The following ANKRD20A1 variants were observed in gnomAD, a reference collection of about 807,000 sequenced individuals.
The protein encoded by ANKRD20A1 is ankyrin repeat domain 20 family member A1.
In ANKRD20A1, 2 loss-of-function variants were observed where a neutral mutation model predicts 50.9. The ratio of observed to expected loss-of-function variants is 0.04; its 90% confidence interval spans 0.02 to 0.12. The LOEUF (loss-of-function observed/expected upper bound fraction) is 0.12, where lower values mean the gene tolerates loss of function less well. Ranked by LOEUF, ANKRD20A1 falls within the 10% of genes least tolerant of loss-of-function variation. The probability of loss-of-function intolerance (pLI) is 1.00; values close to 1 mark genes in which losing one functional copy is unlikely to be tolerated. For synonymous variants in ANKRD20A1, 10 were observed against 186.2 expected, an observed-to-expected ratio of 0.05 and a Z score of 7.70; for missense variants, 31 against 548.1, an observed-to-expected ratio of 0.06 and a Z score of 9.42.
intron 9 of ANKRD20A1, among the ~76,000 whole-genome samples, chr9:67,885,504 G>A (rs1441788351): frequency 3.3e-5 from 5 of 152,306 alleles, no homozygotes; most frequent in Non-Finnish European, 7.3e-5. Flanking sequence ...TCATAGGATA[G>A]TATCATATAG....
intron 3 of ANKRD20A1, among the ~76,000 whole-genome samples, chr9:67,865,171 ATGTT>A (rs1216903354): frequency 2.0e-5 from 3 of 151,564 alleles, no homozygotes; most frequent in Non-Finnish European, 4.4e-5. Context: ...CTATCTCAGT[ATGTT>A]TGTTAAGTTT....
intron 6 of ANKRD20A1, among the ~76,000 whole-genome samples, chr9:67,877,023 A>G (rs1185833660): frequency 1.7e-5 from 1 of 57,170 alleles, no homozygotes; most frequent in Non-Finnish European, 5.3e-5. Flanking sequence ...AGCAGGAATG[A>G]TTGCTTGCTT....
chr9:67,867,568 T>C (rs200335865), intron 4 of ANKRD20A1, among the ~76,000 whole-genome samples, 185 bp downstream of exon 4: 3 of 152,292 alleles, frequency 2.0e-5, no homozygotes, highest in East Asian at 1.9e-4. Context: ...GTAGGATTCA[T>C]CTTCTCTTAT....
intron 3 of ANKRD20A1, among the ~76,000 whole-genome samples, chr9:67,867,004 C>T (rs1827579640): frequency 6.8e-5 from 1 of 14,654 alleles, no homozygotes; most frequent in Non-Finnish European, 1.5e-4. Flanking sequence ...ATGATAAGTG[C>T]TGTTATCAAA....
At chr9:67,882,714 T>C (rs1827820193) in intron 8 of ANKRD20A1, among the ~76,000 whole-genome samples, 1 of 133,170 alleles carries the variant, frequency 7.5e-6, no homozygotes, top group Non-Finnish European at 1.6e-5. Context: ...TGTATACACG[T>C]GCCATGTTGG....
rs1231631484 is a variant in ANKRD20A1 at position 67,881,209 on chromosome 9, T to A, written c.894+664T>A. Among the ~76,000 whole-genome samples the A allele has an allele frequency of 2.1e-5, 3 of 143,614 alleles. No individual in the cohort carries two copies. In the East Asian group the frequency reaches 6.6e-4, roughly 32 times the overall value. 94.2% of individuals were successfully genotyped at this position (143,614 alleles called of 152,430 possible). A position where few individuals can be genotyped will look rare whatever the true frequency, so the allele number is the denominator to read the frequency against. ...CAGGAAGATTGCTTGAACCCAGGAG[T>A]TTGAGAACAGCCTGGGCAACATCGT... On this transcript the variant is annotated intron_variant, in intron 8 of 14. Transcript: ENST00000562196.
rs1439538335 is a variant in ANKRD20A1, at chr9:67,872,404, T to C, written c.793+1192T>C. On this transcript the variant is annotated intron_variant, in intron 6 of 14. Transcript: ENST00000562196. Reference sequence around the variant, plus strand: ...CACACAGACACAAAGTTAAAAGTCCTGCTGATTCTTAATGACCAAATCCAA... The same window carrying C: ...CACACAGACACAAAGTTAAAAGTCCCGCTGATTCTTAATGACCAAATCCAA... Among the ~76,000 whole-genome samples, 3 of 128,252 alleles carry C rather than the reference T, an allele frequency of 2.3e-5. 1 individual carries two copies. The highest frequency in any genetic ancestry group is 8.5e-5 in the African/African-American group (3 of 35,152). The allele number at this position is 128,252 out of a possible 152,430, so 84.1% of individuals were successfully genotyped here. A position where few individuals can be genotyped will look rare whatever the true frequency, so the allele number is the denominator to read the frequency against.
chr9:67,884,568 AAGG>A lies in ANKRD20A1; in HGVS notation c.978_979+1del. On this transcript the variant is annotated splice_donor_variant and coding_sequence_variant, in exon 9 of 15. Coordinates refer to ENST00000562196, the MANE Select transcript of ANKRD20A1 (RefSeq NM_032250.5). LOFTEE classifies it high-confidence loss of function. ...AACAGAATAGTCAATGGACAAGGAGAAGGTGAGAACCGTATTTTATTTAAAAAG... is the reference window on the plus strand; with the variant it reads ...AACAGAATAGTCAATGGACAAGGAGATGAGAACCGTATTTTATTTAAAAAG... The A allele has an allele frequency of 6.3e-7, 1 of 1,592,114 alleles. No individual in the cohort carries two copies. Among genetic ancestry groups the A allele is most frequent in the Non-Finnish European group, 8.5e-7 (1 of 1,178,552 alleles).
chr9:67,889,287 A>G lies in ANKRD20A1; in HGVS notation c.1081+1819A>G, dbSNP rs1827913862. ...AGGTACAAATAAGATTTTTAAGGCT[A>G]TTATATTTTATACAATTCTTTGGTC... On this transcript the variant is annotated intron_variant, in intron 11 of 14. Coordinates refer to ENST00000562196, the MANE Select transcript of ANKRD20A1 (RefSeq NM_032250.5). Among the ~76,000 whole-genome samples the G allele has an allele frequency of 3.5e-5, 3 of 86,088 alleles. 1 individual carries two copies. Among genetic ancestry groups the G allele is most frequent in the African/African-American group, 1.1e-4 (3 of 26,732 alleles). The allele number at this position is 86,088 out of a possible 152,430, so 56.5% of individuals were successfully genotyped here. A position where few individuals can be genotyped will look rare whatever the true frequency, so the allele number is the denominator to read the frequency against.
Position 67,859,513 on chromosome 9 carries a change from C to T in ANKRD20A1, c.87C>T (p.Ile29=). Residue 29 remains isoleucine (I), a synonymous_variant, in exon 1 of 15, where the codon ATC becomes ATT. Coordinates refer to ENST00000562196, the MANE Select transcript of ANKRD20A1 (RefSeq NM_032250.5). The stretch of plus-strand genomic sequence containing the variant: ...TCTACACGGGTTCCGGATACCGAAT[C>T]CGGGACTCCGAACTGCAGAAGATCC... The part of the protein sequence containing the change: ...DHVYTGSGYR[I]RDSELQKIHR... 2 of 662,330 alleles carry T rather than the reference C, an allele frequency of 3.0e-6. No individual in the cohort carries two copies. Among genetic ancestry groups the T allele is most frequent in the South Asian group, 3.9e-5 (2 of 51,240 alleles). The allele number at this position is 662,330 out of a possible 1,614,324, so 41.0% of individuals were successfully genotyped here.
intron 1 of ANKRD20A1, among the ~76,000 whole-genome samples, chr9:67,859,969 C>T (rs1418947779): frequency 4.4e-5 from 2 of 45,150 alleles, no homozygotes; most frequent in Non-Finnish European, 8.7e-5. Context: ...GATAAGAGAG[C>T]TTACTTGAAA....
At chr9:67,873,454 A>G (rs1587599143) in intron 6 of ANKRD20A1, among the ~76,000 whole-genome samples, 1 of 152,306 alleles carries the variant, frequency 6.6e-6, no homozygotes, top group Non-Finnish European at 1.5e-5. Flanking sequence ...TCAAGGCAAA[A>G]AAAGAAAAGA....
intron 8 of ANKRD20A1, among the ~76,000 whole-genome samples, chr9:67,882,864 C>T (rs1298906452): frequency 2.7e-5 from 4 of 150,172 alleles, no homozygotes; most frequent in African/African-American, 9.7e-5. Flanking sequence ...TCAATTTCCG[C>T]CTATGAGTGA....
intron 6 of ANKRD20A1, among the ~76,000 whole-genome samples, chr9:67,873,336 AT>A (rs1827684842): frequency 6.7e-6 from 1 of 150,260 alleles, no homozygotes; most frequent in Non-Finnish European, 1.5e-5. Context: ...ATAAAAGAGG[AT>A]TGCTGCTCAT....
At chr9:67,882,382 A>G (rs1043684144) in intron 8 of ANKRD20A1, among the ~76,000 whole-genome samples, 3 of 146,920 alleles carry the variant, frequency 2.0e-5, no homozygotes, top group Admixed American at 1.4e-4. Context: ...TAAATATTGT[A>G]TTTAAAATAT....
chr9:67,882,354 C>T (rs1401186933), intron 8 of ANKRD20A1, among the ~76,000 whole-genome samples: 3 of 149,632 alleles, frequency 2.0e-5, no homozygotes, highest in Admixed American at 6.8e-5. Context: ...ATATAATAAA[C>T]CTAATGTAGC....
intron 8 of ANKRD20A1, among the ~76,000 whole-genome samples, chr9:67,881,078 A>G (rs1311844916): frequency 3.6e-3 from 501 of 138,758 alleles, no homozygotes; most frequent in East Asian, 0.015. Context: ...TTGTTTTTCT[A>G]CTTATATTAT....
At chr9:67,880,988 G>A (rs1295456716) in intron 8 of ANKRD20A1, among the ~76,000 whole-genome samples, 2 of 125,460 alleles carry the variant, frequency 1.6e-5, no homozygotes, top group South Asian at 2.9e-4. Flanking sequence ...ATTTTTAGTG[G>A]CAAGAATATT....
chr9:67,882,526 C>T (rs1206351160), intron 8 of ANKRD20A1, among the ~76,000 whole-genome samples: 1 of 149,908 alleles, frequency 6.7e-6, no homozygotes, highest in Non-Finnish European at 1.5e-5. Context: ...AATATATTTT[C>T]TAGTATCATT....
Sources: gnomAD v4.1 joint callset for allele counts (sites outside exome capture counted in the v4.1 genomes callset) on GRCh38, gnomAD v4.1.1 for gene constraint, MANE v1.5 for transcripts, NCBI Gene and HGNC (gene_info 2026-07-23, HGNC 2026-07-21) for gene names.